Variants in HACL1 observed in about 807,000 individuals in gnomAD.
HACL1 encodes the protein 2-hydroxyacyl-CoA lyase 1.
HACL1 carries 64 observed loss-of-function variants against 74.2 expected under a neutral mutation model. The ratio of observed to expected loss-of-function variants is 0.86; its 90% CI spans 0.70 to 1.06. The LOEUF (loss-of-function observed/expected upper bound fraction) is 1.06. Ranked by LOEUF, HACL1 falls within the 50% of genes least tolerant of loss-of-function variation. The probability of loss-of-function intolerance (pLI) is 0.00; values close to 1 mark genes in which losing one functional copy is unlikely to be tolerated. For missense variants in HACL1, 728 were observed against 719.7 expected, an observed-to-expected ratio of 1.01 and a Z score of -0.13; for synonymous variants, 230 against 238.8, an observed-to-expected ratio of 0.96 and a Z score of 0.34.
In HACL1 at chr3:15,574,982, T is replaced by C; in HGVS notation, c.904A>G (p.Ile302Val). The C allele has an allele frequency of 6.8e-7, 1 of 1,468,128 alleles. No individual in the cohort carries two copies. Among genetic ancestry groups the C allele is most frequent in the Non-Finnish European group, 9.5e-7 (1 of 1,049,058 alleles). The allele number at this position is 1,468,128 out of a possible 1,614,324, so 90.9% of individuals were successfully genotyped here. A position where few individuals can be genotyped will look rare whatever the true frequency, so the allele number is the denominator to read the frequency against. Reference sequence around the variant, plus strand: ...AGTTCCTCCTCTCTAAGTACCTGGATAAACTTCACATCTGGCTGATATCTT... The same window carrying C: ...AGTTCCTCCTCTCTAAGTACCTGGACAAACTTCACATCTGGCTGATATCTT... ...PPRYQPDVKFIQVDICAEELG... is the reference protein window; with the variant it reads ...PPRYQPDVKFVQVDICAEELG... Residue 302 changes from isoleucine to valine, a missense_variant, in exon 10 of 17, where the codon ATC becomes GTC. By Grantham distance (29) the Ile-to-Val change is conservative. Coordinates refer to ENST00000321169, the MANE Select transcript of HACL1 (RefSeq NM_012260.4).
At chr3:15,592,108 T>C (rs1371118308) in intron 3 of HACL1, among the ~76,000 whole-genome samples, 5 of 143,140 alleles carry the variant, frequency 3.5e-5, no homozygotes, top group African/African-American at 1.4e-4. Flanking sequence ...TATACGTATA[T>C]ATACACACTA....
chr3:15,572,873 A>G (rs2063560556), intron 11 of HACL1, among the ~76,000 whole-genome samples: 1 of 152,212 alleles, frequency 6.6e-6, no homozygotes, highest in African/African-American at 2.4e-5. Context: ...GCTGGATGCT[A>G]TTTAATAAAT....
At position 15,582,931 on chromosome 3, in the gene HACL1, T is replaced by G. The variant is rs969122260; in HGVS notation, c.613A>C (p.Thr205Pro). 6.2e-7 allele frequency: 1 copy of G among 1,612,628 alleles called. No individual in the cohort carries two copies. The highest frequency in any genetic ancestry group is 1.3e-5 in the African/African-American group (1 of 74,892). ...GCATTCCTAATAACAGAAGCCGCCG[T>G]GCACACAGCAGAGGTTTCTGCCATG... is the stretch of plus-strand genomic sequence containing the variant. ...ISMAETSAVC[T>P]AASVIRNAKQ... is the part of the protein sequence containing the mutation. The change falls in exon 8 of 17, where the codon ACG becomes CCG. Residue 205 changes from threonine to proline, a missense_variant. Transcript: ENST00000321169.
chr3:15,569,167 G>C (rs558338568), intron 12 of HACL1, among the ~76,000 whole-genome samples: 1 of 152,216 alleles, frequency 6.6e-6, no homozygotes, highest in African/African-American at 2.4e-5. Context: ...ATGCCTTTCA[G>C]GGCTGAGAAA....
intron 2 of HACL1, 60 bp from the exon 3 acceptor site, chr3:15,596,484 A>G (rs986769303): frequency 6.3e-5 from 59 of 933,432 alleles, no homozygotes; most frequent in Non-Finnish European, 9.4e-5. Flanking sequence ...CATTTATGAC[A>G]GCAACTTACT....
intron 9 of HACL1, among the ~76,000 whole-genome samples, chr3:15,579,558 A>G (rs2063687240): frequency 1.3e-5 from 2 of 152,212 alleles, no homozygotes; most frequent in Admixed American, 1.3e-4. Context: ...AGAGAAAGAC[A>G]ATTTAGAGAA....
At chr3:15,580,140 T>C in intron 8 of HACL1, 95 bp from the exon 9 acceptor site, 1 of 1,023,342 alleles carries the variant, frequency 9.8e-7, no homozygotes, top group South Asian at 1.4e-5. Context: ...TACTTATTTA[T>C]ATTTTGAGAC....
At chr3:15,566,774 T>C (rs2063441114) in intron 14 of HACL1, among the ~76,000 whole-genome samples, 1 of 151,752 alleles carries the variant, frequency 6.6e-6, no homozygotes, top group Non-Finnish European at 1.5e-5. Context: ...AGGATACTAT[T>C]CCTGCTTTAG....
At chr3:15,588,776 G>T (rs1014647833) in intron 5 of HACL1, among the ~76,000 whole-genome samples, 1 of 152,042 alleles carries the variant, frequency 6.6e-6, no homozygotes, top group Non-Finnish European at 1.5e-5. Context: ...GTAGCATTTT[G>T]TTGACATATT....
At position 15,575,085 on chromosome 3, in the gene HACL1, A is replaced by G. The variant is rs376899941; in HGVS notation, c.804-3T>C. The stretch of plus-strand genomic sequence containing the variant: ...TTACATCAGCAAATTGCAAAGCCCT[A>G]TTAAAAAAATTGATATGAAAGTATA... On this transcript the variant is annotated splice_polypyrimidine_tract_variant and splice_region_variant and intron_variant, in intron 9 of 16. Transcript: ENST00000321169. 7.1e-7 allele frequency: 1 copy of G among 1,406,588 alleles called. No individual in the cohort carries two copies. The highest frequency in any genetic ancestry group is 1.4e-5 in the African/African-American group (1 of 71,074). The allele number at this position is 1,406,588 out of a possible 1,614,324, so 87.1% of individuals were successfully genotyped here.
At chr3:15,571,898 G>A in intron 11 of HACL1, 129 bp from the exon 12 acceptor site, 1 of 519,850 alleles carries the variant, frequency 1.9e-6, no homozygotes, top group Non-Finnish European at 3.2e-6. Flanking sequence ...GGAGTGCAGT[G>A]GCGCAATCTC....
At chr3:15,583,031 GA>G (rs2063738899) in intron 7 of HACL1, 42 bp from the exon 8 acceptor site, 4 of 912,954 alleles carry the variant, frequency 4.4e-6, no homozygotes, top group Non-Finnish European at 7.0e-6. Context: ...GGCCAACTAT[GA>G]TCTTTTTATT....
intron 12 of HACL1, among the ~76,000 whole-genome samples, chr3:15,570,342 CAA>C (rs774828349): frequency 6.2e-5 from 6 of 97,422 alleles, no homozygotes; most frequent in Admixed American, 1.1e-4. Context: ...ACTCTGTCCC[CAA>C]AAAAAAAAAA....
chr3:15,577,144 G>T (rs1049742087), intron 9 of HACL1, among the ~76,000 whole-genome samples: 9 of 152,208 alleles, frequency 5.9e-5, no homozygotes, highest in African/African-American at 2.2e-4. Flanking sequence ...AACATATTAA[G>T]ATAGCATTAA....
chr3:15,597,227 A>G (rs1048847010), intron 2 of HACL1, among the ~76,000 whole-genome samples: 1 of 152,186 alleles, frequency 6.6e-6, no homozygotes, highest in Non-Finnish European at 1.5e-5. Flanking sequence ...ACCAAAAAGT[A>G]TGTTGCTTAA....
chr3:15,571,744 G>C lies in HACL1; in HGVS notation c.1019C>G (p.Pro340Arg). Residue 340 changes from proline to arginine, a missense_variant, in exon 12 of 17, where the codon CCA becomes CGA. Coordinates refer to ENST00000321169, the MANE Select transcript of HACL1 (RefSeq NM_012260.4). ...CTTGCTCTCTGGAGGATACTGCCAT[G>C]GTGTTTTATCAAGTTCCTCTAAAAG... Reference protein sequence around the residue: ...KQLLEELDKTPWQYPPESKWW... With the variant: ...KQLLEELDKTRWQYPPESKWW... The C allele has an allele frequency of 6.8e-7, 1 of 1,475,034 alleles. No individual in the cohort carries two copies. The allele number at this position is 1,475,034 out of a possible 1,614,324, so 91.4% of individuals were successfully genotyped here. A position where few individuals can be genotyped will look rare whatever the true frequency, so the allele number is the denominator to read the frequency against.
chr3:15,599,715 A>G (rs574556872), intron 2 of HACL1, among the ~76,000 whole-genome samples: 2 of 152,286 alleles, frequency 1.3e-5, no homozygotes, highest in African/African-American at 2.4e-5. Flanking sequence ...GTTATAATAG[A>G]TGAGTCTTTT....
Position 15,567,826 on chromosome 3 carries a change from T to A in HACL1, c.1409+18A>T. 1 of 1,607,788 alleles carries A rather than the reference T, an allele frequency of 6.2e-7. No homozygotes were observed. The highest frequency in any genetic ancestry group is 1.1e-5 in the South Asian group (1 of 90,962). ...TATTCTAGAGAATCAAATGCTCTGA[T>A]TCAGGATGATGTTTTACCTGCAGAT... is the stretch of plus-strand genomic sequence containing the variant. On this transcript the variant is annotated intron_variant, in intron 14 of 16. Transcript: ENST00000321169.
At chr3:15,596,225 T>C in intron 3 of HACL1, 159 bp downstream of exon 3, 2 of 592,452 alleles carry the variant, frequency 3.4e-6, no homozygotes, top group Non-Finnish European at 6.1e-6. Context: ...TCATTATTCT[T>C]TTGATGTGGT....
Sources: allele counts gnomAD v4.1 joint callset (sites outside exome capture counted in the v4.1 genomes callset), GRCh38; gene constraint gnomAD v4.1.1; transcripts MANE v1.5; gene names NCBI Gene and HGNC (gene_info 2026-07-23, HGNC 2026-07-21).